Variants in MTSS1 observed in about 807,000 individuals in gnomAD.
MTSS1 encodes the protein protein MTSS 1.
MTSS1 carries 18 observed loss-of-function variants against 79.0 expected under a neutral mutation model. The ratio of observed to expected loss-of-function variants is 0.23; its 90% CI spans 0.16 to 0.34. The LOEUF (loss-of-function observed/expected upper bound fraction) is 0.34. MTSS1 is among the 10% of genes least tolerant of loss of function. MTSS1 has a pLI of 1.00. For synonymous variants in MTSS1, 341 were observed against 368.6 expected, an observed-to-expected ratio of 0.93 and a Z score of 0.86; for missense variants, 815 against 986.2, an observed-to-expected ratio of 0.83 and a Z score of 2.33.
chr8:124,554,986 G>A (rs998554129), intron 13 of MTSS1, among the ~76,000 whole-genome samples: 6 of 152,104 alleles, frequency 3.9e-5, no homozygotes, highest in Admixed American at 2.0e-4. Context: ...TGGGACCACA[G>A]GTGTGTGCTG....
intron 4 of MTSS1, 120 bp downstream of exon 4, chr8:124,591,031 A>C (rs1371660018): frequency 1.2e-6 from 1 of 849,156 alleles, no homozygotes; most frequent in Non-Finnish European, 1.9e-6. Flanking sequence ...ATACTCAGGC[A>C]ATGAATGAGC....
Position 124,555,895 on chromosome 8 carries a change from C to T in MTSS1, c.1414G>A (p.Glu472Lys), listed in dbSNP as rs140083354. The T allele has an allele frequency of 6.2e-7, 1 of 1,607,912 alleles. No individual in the cohort carries two copies. The highest frequency in any genetic ancestry group is 8.5e-7 in the Non-Finnish European group (1 of 1,179,920). Residue 472 changes from glutamate to lysine, a missense_variant, in exon 13 of 14, where the codon GAG (glutamate) becomes AAG (lysine). Coordinates refer to ENST00000518547, the MANE Select transcript of MTSS1 (RefSeq NM_014751.6). Reference protein sequence around the residue: ...TVSAATRPGEEMEACEELALA... With the variant: ...TVSAATRPGEKMEACEELALA... Reference sequence around the variant, plus strand: ...GCCAGCTCCTCACAAGCCTCCATCTCCTCACCAGGCTGCAGGTTGGAGGAG... The same window carrying T: ...GCCAGCTCCTCACAAGCCTCCATCTTCTCACCAGGCTGCAGGTTGGAGGAG...
In MTSS1 at chr8:124,721,678, T is replaced by TA. The variant is rs1248625244; in HGVS notation, c.72+6205_72+6206insT. Among the ~76,000 whole-genome samples, 29 of 46,208 alleles carry TA rather than the reference T, an allele frequency of 6.3e-4. 1 individual carries two copies. The South Asian group carries it at 0.015, about 24-fold the overall frequency. The allele number at this position is 46,208 out of a possible 152,430, so 30.3% of individuals were successfully genotyped here. ...CACCCATCTTGGCCTCCCAGAGTGA[T>TA]GGGCACCTCGCCCTACCAGAAAAGG... On this transcript the variant is annotated intron_variant, in intron 1 of 13. Transcript: ENST00000518547.
chr8:124,691,735 C>G (rs1827966941), intron 3 of MTSS1, among the ~76,000 whole-genome samples: 1 of 152,170 alleles, frequency 6.6e-6, no homozygotes. Context: ...AGGCTGGTCT[C>G]GAACTGCTGA....
intron 3 of MTSS1, among the ~76,000 whole-genome samples, chr8:124,645,472 G>A (rs1162474468): frequency 2.0e-5 from 3 of 152,120 alleles, no homozygotes; most frequent in Admixed American, 6.5e-5. Context: ...CCATCTTCAC[G>A]ATCCCTATCA....
intron 2 of MTSS1, among the ~76,000 whole-genome samples, chr8:124,702,612 G>A (rs888977296): frequency 1.3e-5 from 2 of 152,156 alleles, no homozygotes; most frequent in African/African-American, 4.8e-5. Context: ...CTAGTCCTAT[G>A]GCTAACACTC....
intron 5 of MTSS1, among the ~76,000 whole-genome samples, chr8:124,585,555 C>T (rs1271502034): frequency 6.6e-6 from 1 of 151,988 alleles, no homozygotes; most frequent in African/African-American, 2.4e-5. Flanking sequence ...GCTGGGATTA[C>T]AGGCGCCCAC....
At chr8:124,647,322 T>C (rs1210639791) in intron 3 of MTSS1, among the ~76,000 whole-genome samples, 1 of 152,230 alleles carries the variant, frequency 6.6e-6, no homozygotes, top group East Asian at 1.9e-4. Context: ...GATATCAAAG[T>C]TTCTTTTTTC....
Position 124,597,871 on chromosome 8 carries a change from C to T in MTSS1, c.209-6636G>A, listed in dbSNP as rs1833038327. Among the ~76,000 whole-genome samples the T allele has an allele frequency of 6.6e-6, 1 of 152,206 alleles. No individual in the cohort carries two copies. Among genetic ancestry groups the T allele is most frequent in the African/African-American group, 2.4e-5 (1 of 41,456 alleles). Reference sequence around the variant, plus strand: ...GAACCAGAGGAGAGGAGAACGCTCTCAGGCATCTCTGCAGGAGAGGGGTGC... The same window carrying T: ...GAACCAGAGGAGAGGAGAACGCTCTTAGGCATCTCTGCAGGAGAGGGGTGC... On this transcript the variant is annotated intron_variant, in intron 3 of 13. Transcript: ENST00000518547. The surrounding 1 kb of genome is among the most constrained non-coding windows in gnomAD (Gnocchi z 4.6).
chr8:124,630,670 T>C (rs1203554879), intron 3 of MTSS1, among the ~76,000 whole-genome samples: 1 of 152,214 alleles, frequency 6.6e-6, no homozygotes, highest in Non-Finnish European at 1.5e-5. Flanking sequence ...TGACCTACAA[T>C]GAGCTACATA....
At chr8:124,631,421 G>A (rs115839131) in intron 3 of MTSS1, among the ~76,000 whole-genome samples, 81 of 152,284 alleles carry the variant, frequency 5.3e-4, no homozygotes, top group African/African-American at 1.7e-3. Context: ...AGCGCTACAC[G>A]ACAGTCCCGA....
intron 3 of MTSS1, among the ~76,000 whole-genome samples, chr8:124,674,400 G>A (rs987885144): frequency 2.2e-4 from 34 of 152,050 alleles, no homozygotes; most frequent in African/African-American, 8.0e-4. Flanking sequence ...CCCACGCATC[G>A]CCAGGAGCTG....
chr8:124,572,052 G>A (rs1827910148), intron 6 of MTSS1, among the ~76,000 whole-genome samples: 1 of 152,066 alleles, frequency 6.6e-6, no homozygotes, highest in African/African-American at 2.4e-5. Context: ...CCTTTCACAA[G>A]TTATAAGGCA....
At chr8:124,645,285 C>CG (rs1818802797) in intron 3 of MTSS1, among the ~76,000 whole-genome samples, 1 of 151,946 alleles carries the variant, frequency 6.6e-6, no homozygotes, top group Non-Finnish European at 1.5e-5. Flanking sequence ...AGTAGCTACT[C>CG]GGGAGGCTGA....
Position 124,553,640 on chromosome 8 carries a change from C to T in MTSS1, c.1620G>A (p.Gln540=). The T allele has an allele frequency of 6.2e-7, 1 of 1,614,108 alleles. No homozygotes were observed. Residue 540 remains glutamine (Q), a synonymous_variant, in exon 14 of 14, where the codon CAG becomes CAA. Coordinates refer to ENST00000518547, the MANE Select transcript of MTSS1 (RefSeq NM_014751.6). The surrounding 1 kb of genome is among the most constrained non-coding windows in gnomAD (Gnocchi z 6.0). The part of the protein sequence containing the change: ...SVSGDQEADQ[Q]EFDKSSTIPR... ...GAATGGTGGAGGACTTGTCGAACTC[C>T]TGCTGATCTGCCTCCTGGTCACCAC...
At chr8:124,654,790 A>G (rs2134239799) in intron 3 of MTSS1, among the ~76,000 whole-genome samples, 1 of 152,308 alleles carries the variant, frequency 6.6e-6, no homozygotes, top group East Asian at 1.9e-4. Context: ...CAACGTGCAC[A>G]GCCCTTTAAA....
At chr8:124,702,407 A>G (rs928067171) in intron 2 of MTSS1, among the ~76,000 whole-genome samples, 1 of 152,180 alleles carries the variant, frequency 6.6e-6, no homozygotes, top group East Asian at 1.9e-4. Context: ...TCCAGTAGAA[A>G]GTAATTACAA....
intron 6 of MTSS1, among the ~76,000 whole-genome samples, 164 bp downstream of exon 6, chr8:124,584,922 AT>A (rs1830596758): frequency 6.6e-6 from 1 of 152,170 alleles, no homozygotes; most frequent in African/African-American, 2.4e-5. Flanking sequence ...ATTAATACCT[AT>A]TCTGCACTTT....
chr8:124,577,352 C>T (rs530691303), intron 6 of MTSS1, among the ~76,000 whole-genome samples: 64 of 152,312 alleles, frequency 4.2e-4, no homozygotes, highest in African/African-American at 1.3e-3. Context: ...CAGGTTTAAG[C>T]GATTCTTCTG....
Sources: gnomAD v4.1 joint callset for allele counts (sites outside exome capture counted in the v4.1 genomes callset) on GRCh38, gnomAD v4.1.1 for gene constraint, Gnocchi (gnomAD v3.1) non-coding constraint, MANE v1.5 for transcripts, NCBI Gene and HGNC (gene_info 2026-07-23, HGNC 2026-07-21) for gene names.